The following MAP4 variants were observed in gnomAD, a reference collection of about 807,000 sequenced individuals.
MAP4 encodes microtubule-associated protein 4.
A neutral mutation model predicts 170.2 loss-of-function variants in MAP4; 76 were observed. That is an observed-to-expected ratio of 0.45 (90% CI 0.37 to 0.54). The LOEUF (loss-of-function observed/expected upper bound fraction) is 0.54. Ranked by LOEUF, MAP4 falls within the 20% of genes least tolerant of loss-of-function variation. MAP4 has a pLI of 0.00. For missense variants in MAP4, 2,506 were observed against 2,748.0 expected (o/e 0.91, Z 1.97); for synonymous variants, 909 against 994.5 (o/e 0.91, Z 1.62).
Position 47,870,921 on chromosome 3 carries a change from G to A in MAP4, c.6186C>T (p.Thr2062=), listed in dbSNP as rs771106955. Residue 2062 remains threonine, a synonymous_variant, in exon 15 of 21, where the codon ACC becomes ACT. Coordinates refer to ENST00000683076, the MANE Select transcript of MAP4 (RefSeq NM_001385682.1). ...KPTSAKPSST[T]PRLSRLATNT... ...TGGTGGCCAGGCGGCTGAGCCGGGG[G>A]GTGGTGGAGCTGGGTTTGGCCGAGG... 2 of 1,614,110 alleles carry A rather than the reference G, an allele frequency of 1.2e-6. No individual in the cohort carries two copies. Among genetic ancestry groups the A allele is most frequent in the South Asian group, 1.1e-5 (1 of 91,070 alleles).
At chr3:47,994,327 C>T (rs2154355835) in intron 2 of MAP4, among the ~76,000 whole-genome samples, 1 of 152,252 alleles carries the variant, frequency 6.6e-6, no homozygotes, top group African/African-American at 2.4e-5. Context: ...CTAACATAAA[C>T]AAAGAAAACC....
intron 3 of MAP4, among the ~76,000 whole-genome samples, chr3:47,970,934 G>A (rs552658916): frequency 6.6e-6 from 1 of 152,338 alleles, no homozygotes; most frequent in African/African-American, 2.4e-5. Flanking sequence ...ACGTGGCTTA[G>A]AGTATTAATT....
chr3:47,984,723 C>T (rs1216279922), intron 2 of MAP4, among the ~76,000 whole-genome samples: 2 of 151,838 alleles, frequency 1.3e-5, no homozygotes, highest in African/African-American at 4.8e-5. Context: ...TGGCTCAGCA[C>T]TTTGGGAGAC....
chr3:47,968,310 C>T (rs1259897292), intron 3 of MAP4, among the ~76,000 whole-genome samples: 3 of 152,054 alleles, frequency 2.0e-5, no homozygotes, highest in Non-Finnish European at 4.4e-5. Context: ...CATCAAGAGC[C>T]GAATATACAT....
chr3:47,922,160 G>GC (rs1338587543), intron 4 of MAP4, among the ~76,000 whole-genome samples: 1 of 151,790 alleles, frequency 6.6e-6, no homozygotes, highest in African/African-American at 2.4e-5. Flanking sequence ...CGTTGGCCAG[G>GC]CTAGTCTCAA....
At chr3:47,951,602 T>C (rs1417581043) in intron 3 of MAP4, among the ~76,000 whole-genome samples, 4 of 152,240 alleles carry the variant, frequency 2.6e-5, no homozygotes, top group African/African-American at 9.6e-5. Context: ...TCCGCCAGCC[T>C]TGGCCTCCCG....
rs751968949 is a variant in MAP4 at position 47,915,981 on chromosome 3, A to T, written c.1846T>A (p.Ser616Thr). 4 of 1,613,622 alleles carry T rather than the reference A, an allele frequency of 2.5e-6. No homozygotes were observed. In the South Asian group the frequency reaches 4.4e-5, roughly 18 times the overall value. Residue 616 changes from serine to threonine, a missense_variant, in exon 7 of 21, where the codon TCA (serine) becomes ACA (threonine). By Grantham distance (58) the Ser-to-Thr change is moderately conservative (BLOSUM62 1). Coordinates refer to ENST00000683076, the MANE Select transcript of MAP4 (RefSeq NM_001385682.1). ...HLESLQDVGQ[S>T]AAPTFMISPE... ...GAAATCATGAAAGTAGGTGCAGCTG[A>T]CTGCCCCACATCCTGCAGAGATTCT...
chr3:48,063,352 C>T (rs2100136884), intron 1 of MAP4, among the ~76,000 whole-genome samples: 1 of 151,122 alleles, frequency 6.6e-6, no homozygotes, highest in South Asian at 2.1e-4. Flanking sequence ...AAGAGGATTG[C>T]TTGAGCCCAG....
intron 19 of MAP4, among the ~76,000 whole-genome samples, chr3:47,854,107 G>GATT (rs2049969206): frequency 1.3e-5 from 2 of 152,138 alleles, no homozygotes; most frequent in African/African-American, 4.8e-5. Flanking sequence ...TGAGAAATAG[G>GATT]CCTCGATTAA....
At chr3:48,031,880 T>TAC (rs1559824676) in intron 1 of MAP4, among the ~76,000 whole-genome samples, 1 of 147,504 alleles carries the variant, frequency 6.8e-6, no homozygotes, top group Non-Finnish European at 1.5e-5. Context: ...AACACACACA[T>TAC]ACACACACAC....
intron 1 of MAP4, among the ~76,000 whole-genome samples, chr3:48,071,722 C>T (rs1159994537): frequency 4.0e-5 from 6 of 151,800 alleles, no homozygotes; most frequent in African/African-American, 9.7e-5. Context: ...GTCAGGAGCT[C>T]GAGACTGGCT....
intron 1 of MAP4, among the ~76,000 whole-genome samples, chr3:48,085,417 A>C (rs2100148574): frequency 6.6e-6 from 1 of 152,212 alleles, no homozygotes; most frequent in South Asian, 2.1e-4. Context: ...ACTGTCAGCA[A>C]ACAATGGAAA....
At position 47,895,160 on chromosome 3, in the gene MAP4, C is replaced by T. The variant is rs746353708; in HGVS notation, c.5434+7790G>A. The stretch of plus-strand genomic sequence containing the variant: ...GTGTAAACTAGTCACCCCCCACAAA[C>T]GACACACACATATACACCCTTAATT... On this transcript the variant is annotated intron_variant, in intron 10 of 20. Transcript: ENST00000683076. Among the ~76,000 whole-genome samples the T allele has an allele frequency of 4.6e-5, 7 of 152,150 alleles. No individual in the cohort carries two copies. In the East Asian group the frequency reaches 5.8e-4, roughly 13 times the overall value.
Position 47,991,627 on chromosome 3 carries a change from A to G in MAP4, c.223+7011T>C, listed in dbSNP as rs184734059. On this transcript the variant is annotated intron_variant, in intron 2 of 20. Coordinates refer to ENST00000683076, the MANE Select transcript of MAP4 (RefSeq NM_001385682.1). ...TGTTGCAGTAAGCTATGATTGTGCC[A>G]CTGCACTCCAGCCTAGGTGACATGG... Among the ~76,000 whole-genome samples the G allele has an allele frequency of 3.3e-5, 5 of 151,990 alleles. No homozygotes were observed. In the East Asian group the frequency reaches 9.7e-4, roughly 29 times the overall value.
intron 1 of MAP4, among the ~76,000 whole-genome samples, chr3:48,025,319 G>C (rs1014405406): frequency 2.2e-4 from 32 of 145,738 alleles, no homozygotes; most frequent in African/African-American, 6.9e-4. Context: ...TTGAGACAGA[G>C]TCTCTGTCAT....
intron 17 of MAP4, among the ~76,000 whole-genome samples, chr3:47,866,846 C>G (rs2151676534): frequency 6.6e-6 from 1 of 152,228 alleles, no homozygotes; most frequent in East Asian, 1.9e-4. Flanking sequence ...AAAGATCCAT[C>G]CAGACATCTG....
At chr3:48,005,335 T>TG (rs35496285) in intron 1 of MAP4, among the ~76,000 whole-genome samples, 109,720 of 151,618 alleles carry the variant, frequency 0.72, 40,029 homozygotes, top group African/African-American at 0.82. Flanking sequence ...CACTCTAACC[T>TG]GGCAACAGAA....
intron 3 of MAP4, among the ~76,000 whole-genome samples, chr3:47,933,523 G>T (rs180901242): frequency 6.6e-6 from 1 of 150,784 alleles, no homozygotes; most frequent in Admixed American, 6.6e-5. Flanking sequence ...CTGCAGCCTC[G>T]ACCTCCCTGA....
chr3:47,857,631 A>T, intron 17 of MAP4, 119 bp from the exon 18 acceptor site: 1 of 693,066 alleles, frequency 1.4e-6, no homozygotes, highest in Non-Finnish European at 2.5e-6. Flanking sequence ...GTAAGCTGCT[A>T]TCTCAGTCTG....
Sources: gnomAD v4.1 joint callset for allele counts (sites outside exome capture counted in the v4.1 genomes callset) on GRCh38, gnomAD v4.1.1 for gene constraint, MANE v1.5 for transcripts, NCBI Gene and HGNC (gene_info 2026-07-23, HGNC 2026-07-21) for gene names.